The following CTTNBP2 variants were observed in gnomAD, a reference collection of about 807,000 sequenced individuals.
CTTNBP2 encodes cortactin binding protein 2, also known as cortactin-binding protein 2.
CTTNBP2 carries 108 observed loss-of-function variants against 156.9 expected under a neutral mutation model. The observed-to-expected ratio is 0.69, with a 90% confidence interval of 0.59 to 0.81. The LOEUF is 0.81. Ranked by LOEUF, CTTNBP2 falls within the 30% of genes least tolerant of loss-of-function variation. The pLI is 0.00. For missense variants in CTTNBP2, 1,924 were observed against 2,035.4 expected, an observed-to-expected ratio of 0.95 and a Z score of 1.05; for synonymous variants, 767 against 751.8, an observed-to-expected ratio of 1.02 and a Z score of -0.33.
chr7:117,843,244 A>G (rs1267358245), intron 2 of CTTNBP2, among the ~76,000 whole-genome samples: 1 of 152,214 alleles, frequency 6.6e-6, no homozygotes, highest in African/African-American at 2.4e-5. Flanking sequence ...GGACTTGGGC[A>G]TCTGTGGATT....
chr7:117,837,618 GA>G (rs749528982), intron 2 of CTTNBP2, among the ~76,000 whole-genome samples: 7 of 152,176 alleles, frequency 4.6e-5, no homozygotes, highest in Admixed American at 4.6e-4. Flanking sequence ...GTCTAAATAT[GA>G]AATTCACTTA....
At chr7:117,772,259 G>C (rs184512698) in intron 8 of CTTNBP2, among the ~76,000 whole-genome samples, 1 of 152,312 alleles carries the variant, frequency 6.6e-6, no homozygotes, top group Admixed American at 6.5e-5. Flanking sequence ...CAGATGATGA[G>C]GGCTCCCTTA....
chr7:117,849,570 T>C (rs1802809547), intron 2 of CTTNBP2, among the ~76,000 whole-genome samples: 1 of 152,064 alleles, frequency 6.6e-6, no homozygotes, highest in Non-Finnish European at 1.5e-5. Flanking sequence ...ATAGAGCCCA[T>C]AGGAACTCCT....
rs887689269 is a variant in CTTNBP2, at chr7:117,718,235, C to A, written c.4645-116G>T. ...AGTGTTACTCTTATCCTCTTCCCTG[C>A]CCCTCAAGTCCTGAACTGTTCACAT... On this transcript the variant is annotated intron_variant, in intron 21 of 22. Coordinates refer to ENST00000160373, the MANE Select transcript of CTTNBP2 (RefSeq NM_033427.3). 1.1e-5 allele frequency: 7 copies of A among 636,162 alleles called. 1 individual carries two copies. In the Admixed American group the frequency reaches 1.8e-4, roughly 16 times the overall value. 39.4% of individuals were successfully genotyped at this position (636,162 alleles called of 1,614,324 possible).
chr7:117,862,420 A>C (rs1803826639), intron 1 of CTTNBP2, among the ~76,000 whole-genome samples: 1 of 152,146 alleles, frequency 6.6e-6, no homozygotes, highest in Non-Finnish European at 1.5e-5. Flanking sequence ...CCAACCTCTC[A>C]TGGCTTTAAA....
intron 1 of CTTNBP2, chr7:117,871,963 A>T (rs1237317318): frequency 1.5e-5 from 15 of 985,146 alleles, no homozygotes; most frequent in Non-Finnish European, 1.8e-5. Context: ...GCCTTGTCTC[A>T]ATAGCTAGTT....
At chr7:117,783,421 G>A (rs1798539282) in intron 5 of CTTNBP2, among the ~76,000 whole-genome samples, 3 of 151,994 alleles carry the variant, frequency 2.0e-5, no homozygotes, top group Non-Finnish European at 2.9e-5. Flanking sequence ...ACTGCTTTTG[G>A]ATGGTGGGCA....
At chr7:117,870,381 A>G (rs1303319335) in intron 1 of CTTNBP2, among the ~76,000 whole-genome samples, 1 of 152,248 alleles carries the variant, frequency 6.6e-6, no homozygotes, top group Non-Finnish European at 1.5e-5. Flanking sequence ...ATTGGCTACG[A>G]AAGTTCTTTT....
At chr7:117,738,887 A>G (rs1454818214) in intron 14 of CTTNBP2, among the ~76,000 whole-genome samples, 1 of 152,198 alleles carries the variant, frequency 6.6e-6, no homozygotes, top group African/African-American at 2.4e-5. Context: ...AGCAAATACT[A>G]TATTGCTAGT....
chr7:117,821,644 A>G (rs998775173), intron 2 of CTTNBP2, among the ~76,000 whole-genome samples: 3 of 144,242 alleles, frequency 2.1e-5, no homozygotes, highest in Non-Finnish European at 3.0e-5. Context: ...GCTGGAGTGC[A>G]GTGGTGCAAT....
chr7:117,724,617 G>A lies in CTTNBP2; in HGVS notation c.4377C>T (p.Asn1459=), dbSNP rs147626761. ...GGCCAGACTTCCTGCGAGGACTGGT[G>A]TTCACCTTTCTCCAGGCACCACTCT... ...KGESGAWRKV[N]TSPRRKSGRF... is the part of the protein sequence containing the mutation. Residue 1459 remains asparagine (N), a synonymous_variant, in exon 19 of 23, where the codon AAC becomes AAT. Transcript: ENST00000160373. The A allele has an allele frequency of 2.5e-5, 41 of 1,614,088 alleles. No homozygotes were observed. In the African/African-American group the frequency reaches 5.1e-4, roughly 20 times the overall value.
intron 18 of CTTNBP2, 92 bp from the exon 19 acceptor site, chr7:117,724,824 A>C: frequency 7.0e-7 from 1 of 1,424,614 alleles, no homozygotes; most frequent in Non-Finnish European, 9.6e-7. Flanking sequence ...ACTGTTCAAA[A>C]TAATGCATTT....
rs1459150707 is a variant in CTTNBP2 at position 117,791,318 on chromosome 7, A to G, written c.1878T>C (p.Cys626=). 2.5e-6 allele frequency: 4 copies of G among 1,614,078 alleles called. No individual in the cohort carries two copies. Among genetic ancestry groups the G allele is most frequent in the Non-Finnish European group, 3.4e-6 (4 of 1,180,052 alleles). ...SIDLTVAPAG[C]AVSALATSQV... is the part of the protein sequence containing the mutation. Reference sequence around the variant, plus strand: ...GAGACGTGGCCAGGGCTGAAACGGCACAGCCTGCAGGTGCCACAGTTAAAT... The same window carrying G: ...GAGACGTGGCCAGGGCTGAAACGGCGCAGCCTGCAGGTGCCACAGTTAAAT... The change falls in exon 4 of 23, where the codon TGT becomes TGC. Residue 626 remains cysteine, a synonymous_variant. Coordinates refer to ENST00000160373, the MANE Select transcript of CTTNBP2 (RefSeq NM_033427.3).
intron 21 of CTTNBP2, among the ~76,000 whole-genome samples, chr7:117,718,569 C>G (rs990620002): frequency 5.9e-5 from 9 of 152,142 alleles, no homozygotes; most frequent in Non-Finnish European, 1.2e-4. Context: ...GTTACAGCCA[C>G]TCATAAGGCA....
rs1444749306 is a variant in CTTNBP2 at position 117,810,893 on chromosome 7, C to A, written c.286G>T (p.Gly96Cys). The change falls in exon 3 of 23, where the codon GGT (glycine) becomes TGT (cysteine). Residue 96 changes from glycine to cysteine, a missense_variant. Transcript: ENST00000160373. ...ALQRDYEAGA[G>C]DKEKKPVCTN... ...CAAACTGGCTTCTTCTCTTTGTCACCAGCACCTGCTTCATAGTCTCTCTGG... is the reference window on the plus strand; with the variant it reads ...CAAACTGGCTTCTTCTCTTTGTCACAAGCACCTGCTTCATAGTCTCTCTGG... 6.2e-7 allele frequency: 1 copy of A among 1,614,120 alleles called. No homozygotes were observed.
chr7:117,759,112 C>G (rs1481248252), intron 10 of CTTNBP2, among the ~76,000 whole-genome samples: 1 of 151,982 alleles, frequency 6.6e-6, no homozygotes, highest in Non-Finnish European at 1.5e-5. Flanking sequence ...TATAACAATT[C>G]TATAATTTTT....
At chr7:117,752,813 GTCTT>G (rs1796682073) in intron 12 of CTTNBP2, among the ~76,000 whole-genome samples, 1 of 152,130 alleles carries the variant, frequency 6.6e-6, no homozygotes, top group South Asian at 2.1e-4. Flanking sequence ...ATTACTTTGA[GTCTT>G]TGTTTATTTA....
chr7:117,847,641 T>C (rs1473380077), intron 2 of CTTNBP2, among the ~76,000 whole-genome samples: 8 of 152,182 alleles, frequency 5.3e-5, no homozygotes, highest in Admixed American at 5.2e-4. Context: ...GTACTTAAAC[T>C]ATAAAGTATA....
chr7:117,800,880 G>A (rs1799571537), intron 3 of CTTNBP2, among the ~76,000 whole-genome samples: 1 of 152,048 alleles, frequency 6.6e-6, no homozygotes, highest in Non-Finnish European at 1.5e-5. Context: ...CATTAAATAG[G>A]AAACAGTGCT....
Sources: gnomAD v4.1 joint callset for allele counts (sites outside exome capture counted in the v4.1 genomes callset) on GRCh38, gnomAD v4.1.1 for gene constraint, MANE v1.5 for transcripts, NCBI Gene and HGNC (gene_info 2026-07-23, HGNC 2026-07-21) for gene names.